The following GLE1 variants were observed in gnomAD, a reference collection of about 807,000 sequenced individuals.
GLE1 encodes the protein GLE1 RNA export mediator.
A neutral mutation model predicts 97.3 loss-of-function variants in GLE1; 78 were observed. That is an observed-to-expected ratio of 0.80 (90% CI 0.67 to 0.97). The LOEUF is 0.97. GLE1 is among the 50% of genes least tolerant of loss of function. The pLI is 0.00. For synonymous variants in GLE1, 302 were observed against 313.4 expected, an observed-to-expected ratio of 0.96 and a Z score of 0.39; for missense variants, 753 against 857.5, an observed-to-expected ratio of 0.88 and a Z score of 1.52.
intron 3 of GLE1, among the ~76,000 whole-genome samples, chr9:128,516,493 G>GT (rs1395072711): frequency 5.3e-5 from 8 of 150,434 alleles, no homozygotes; most frequent in African/African-American, 1.7e-4. Context: ...CTAATTTTTT[G>GT]TATTTTTAGT....
chr9:128,540,472 CT>C, intron 15 of GLE1, 134 bp downstream of exon 15: 2 of 706,218 alleles, frequency 2.8e-6, no homozygotes, highest in Non-Finnish European at 5.2e-6. Context: ...CTTTTTGTTC[CT>C]AATTCCCTCT....
In GLE1 at chr9:128,525,289, C is replaced by T. The variant is rs1847269388; in HGVS notation, c.995C>T (p.Ala332Val). The change falls in exon 7 of 16, where the codon GCC becomes GTC. Residue 332 changes from alanine to valine, a missense_variant. Ala to Val is a moderately conservative substitution (Grantham distance 64). Transcript: ENST00000309971. ...AACTTGGGGCAGGAGATCACCAGAG[C>T]CTGCGAAGACAAGAGGAGGCAGGAT... ...LMNLGQEITR[A>V]CEDKRRQDEE... The T allele has an allele frequency of 6.2e-6, 10 of 1,614,010 alleles. No individual in the cohort carries two copies. The Middle Eastern group carries it at 8.2e-4, about 133-fold the overall frequency.
Position 128,527,205 on chromosome 9 carries a change from A to T in GLE1, c.1156A>T (p.Thr386Ser). Reference protein sequence around the residue: ...EDLQVKVQDITMQWYQQLQDA... With the variant: ...EDLQVKVQDISMQWYQQLQDA... ...CCTCCAGGTGAAGGTACAAGACATT[A>T]CAATGCAGTGGTACCAGCAGCTGCA... Residue 386 changes from threonine (T) to serine (S), a missense_variant, in exon 8 of 16, where the codon ACA becomes TCA. Transcript: ENST00000309971. The T allele has an allele frequency of 6.2e-7, 1 of 1,606,654 alleles. No individual in the cohort carries two copies. The highest frequency in any genetic ancestry group is 8.5e-7 in the Non-Finnish European group (1 of 1,173,088).
intron 7 of GLE1, among the ~76,000 whole-genome samples, chr9:128,526,117 G>A (rs1306363052): frequency 6.6e-6 from 1 of 151,238 alleles, no homozygotes; most frequent in Admixed American, 6.6e-5. Context: ...TGCCTCCCGG[G>A]TTCAAACAAT....
chr9:128,540,727 C>T (rs117503810), intron 15 of GLE1: 1 of 357,890 alleles, frequency 2.8e-6, no homozygotes, highest in East Asian at 6.3e-5. Flanking sequence ...CCCCTACTTC[C>T]AAGTGCCAAG....
chr9:128,537,673 G>A (rs977293586), intron 12 of GLE1, among the ~76,000 whole-genome samples: 1 of 152,034 alleles, frequency 6.6e-6, no homozygotes, highest in African/African-American at 2.4e-5. Flanking sequence ...GAGCACGGTG[G>A]CATGTGCATG....
chr9:128,510,479 G>A (rs1289947290), intron 2 of GLE1, among the ~76,000 whole-genome samples: 3 of 148,370 alleles, frequency 2.0e-5, no homozygotes, highest in Admixed American at 6.8e-5. Flanking sequence ...TGCCCACCTC[G>A]GCCTCCCAAA....
rs1336481358 is a variant in GLE1, at chr9:128,539,614, A to G, written c.1882-2A>G. On this transcript the variant is annotated splice_acceptor_variant, in intron 13 of 15. Transcript: ENST00000309971. LOFTEE classifies it high-confidence loss of function. Reference sequence around the variant, plus strand: ...TCTGACAGTGCCTGTCTTTCCCTCTAGGTGTGTGGGAATGCCCTCATGAAG... The same window carrying G: ...TCTGACAGTGCCTGTCTTTCCCTCTGGGTGTGTGGGAATGCCCTCATGAAG... 8.7e-6 allele frequency: 14 copies of G among 1,609,980 alleles called. No homozygotes were observed. Among genetic ancestry groups the G allele is most frequent in the Non-Finnish European group, 1.1e-5 (13 of 1,176,416 alleles).
chr9:128,509,069 C>A lies in GLE1; in HGVS notation c.293C>A (p.Ala98Asp). The A allele has an allele frequency of 6.2e-7, 1 of 1,611,782 alleles. No homozygotes were observed. Among genetic ancestry groups the A allele is most frequent in the Non-Finnish European group, 8.5e-7 (1 of 1,177,846 alleles). Residue 98 changes from alanine to aspartate, a missense_variant, in exon 2 of 16, where the codon GCC becomes GAC. Coordinates refer to ENST00000309971, the MANE Select transcript of GLE1 (RefSeq NM_001003722.2). ...GACGCAAGCTCTGCCTTTTCCCCAG[C>A]CTCCCCTGCAACACCAAATGGAACC... ...SPDASSAFSPASPATPNGTKG... is the reference protein window; with the variant it reads ...SPDASSAFSPDSPATPNGTKG...
intron 1 of GLE1, among the ~76,000 whole-genome samples, chr9:128,506,567 A>C (rs1846646430): frequency 6.6e-6 from 1 of 152,170 alleles, no homozygotes; most frequent in African/African-American, 2.4e-5. Flanking sequence ...CTATTTCTCC[A>C]AAGAGGCTGA....
intron 2 of GLE1, among the ~76,000 whole-genome samples, chr9:128,514,610 G>A (rs954082460): frequency 6.6e-6 from 1 of 151,940 alleles, no homozygotes; most frequent in Non-Finnish European, 1.5e-5. Flanking sequence ...GCCTAGGCAC[G>A]TGCCACCATG....
intron 2 of GLE1, among the ~76,000 whole-genome samples, chr9:128,511,649 T>C (rs1190759358): frequency 6.7e-6 from 1 of 148,542 alleles, no homozygotes; most frequent in African/African-American, 2.5e-5. Context: ...GAGCTTGCAG[T>C]GAGCTGAGAT....
chr9:128,504,898 G>C lies in GLE1; in HGVS notation c.93G>C (p.Arg31=). 6.2e-7 allele frequency: 1 copy of C among 1,606,378 alleles called. No homozygotes were observed. Among genetic ancestry groups the C allele is most frequent in the Non-Finnish European group, 8.5e-7 (1 of 1,173,100 alleles). The change falls in exon 1 of 16, where the codon CGG becomes CGC. Residue 31 remains arginine (R), a synonymous_variant. Coordinates refer to ENST00000309971, the MANE Select transcript of GLE1 (RefSeq NM_001003722.2). ...RLCYYRDWLL[R]REDVLEECMS... is the part of the protein sequence containing the mutation. ...GCTACTACCGCGACTGGCTGCTGCGGCGCGAGGTGAGCGGTGGCCCCGGAG... is the reference window on the plus strand; with the variant it reads ...GCTACTACCGCGACTGGCTGCTGCGCCGCGAGGTGAGCGGTGGCCCCGGAG...
chr9:128,534,265 A>G (rs1446479587), intron 11 of GLE1, among the ~76,000 whole-genome samples: 1 of 152,194 alleles, frequency 6.6e-6, no homozygotes, highest in African/African-American at 2.4e-5. Flanking sequence ...GCTACTCAGG[A>G]GGCTGAGGCA....
intron 1 of GLE1, among the ~76,000 whole-genome samples, chr9:128,508,255 A>G (rs1268746837): frequency 1.3e-5 from 2 of 149,790 alleles, no homozygotes; most frequent in Non-Finnish European, 3.0e-5. Context: ...AAAAATAATT[A>G]GCTGAATATA....
chr9:128,538,384 C>T (rs184557827), intron 13 of GLE1, among the ~76,000 whole-genome samples: 1 of 152,226 alleles, frequency 6.6e-6, no homozygotes, highest in East Asian at 1.9e-4. Flanking sequence ...ACTCCCAGGC[C>T]GGGTGCGGTG....
intron 3 of GLE1, among the ~76,000 whole-genome samples, chr9:128,519,681 CT>C (rs2132443555): frequency 1.3e-5 from 2 of 152,346 alleles, no homozygotes; most frequent in African/African-American, 4.8e-5. Context: ...ATCTCGCGAT[CT>C]CGCCCTGCCT....
chr9:128,539,567 A>T (rs753925518), intron 13 of GLE1, 49 bp from the exon 14 acceptor site: 7 of 1,508,352 alleles, frequency 4.6e-6, no homozygotes, highest in Non-Finnish European at 6.5e-6. Flanking sequence ...CTGTCCTGTG[A>T]GTGTGAATTT....
Position 128,541,469 on chromosome 9 carries a change from T to C in GLE1, c.*299T>C, listed in dbSNP as rs879650951. ...AGCACTTGGTCTCCTCCCTTGTCTCTAGTGTCTTTCAGAAAGTTGGCAATA... is the reference window on the plus strand; with the variant it reads ...AGCACTTGGTCTCCTCCCTTGTCTCCAGTGTCTTTCAGAAAGTTGGCAATA... On this transcript the variant is annotated 3_prime_UTR_variant, in exon 16 of 16. Transcript: ENST00000309971. 6 of 414,246 alleles carry C rather than the reference T, an allele frequency of 1.4e-5. No individual in the cohort carries two copies. Among genetic ancestry groups the C allele is most frequent in the African/African-American group, 4.0e-5 (2 of 49,416 alleles). 25.7% of individuals were successfully genotyped at this position (414,246 alleles called of 1,614,324 possible).
Sources: gnomAD v4.1 joint callset for allele counts (sites outside exome capture counted in the v4.1 genomes callset) on GRCh38, gnomAD v4.1.1 for gene constraint, MANE v1.5 for transcripts, NCBI Gene and HGNC (gene_info 2026-07-23, HGNC 2026-07-21) for gene names.